Variants in TMEM94 observed in about 807,000 individuals in gnomAD.
The protein encoded by TMEM94 is transmembrane protein 94.
TMEM94 carries 81 observed loss-of-function variants against 158.6 expected under a neutral mutation model. The observed-to-expected ratio is 0.51, with a 90% confidence interval of 0.43 to 0.61. TMEM94 has a LOEUF of 0.61. Among genes scored for constraint, TMEM94 ranks in the 20% least tolerant of loss-of-function variants. TMEM94 has a pLI of 0.00. For synonymous variants in TMEM94, 751 were observed against 730.7 expected (o/e 1.03, Z -0.45); for missense variants, 1,435 against 1,762.0 (o/e 0.81, Z 3.32).
intron 1 of TMEM94, among the ~76,000 whole-genome samples, chr17:75,460,481 G>A (rs1362671747): frequency 6.6e-6 from 1 of 151,816 alleles, no homozygotes; most frequent in Admixed American, 6.6e-5. Context: ...CTATAAGGCA[G>A]AGCCTATTGC....
At chr17:75,476,259 C>T (rs2050685367) in intron 2 of TMEM94, among the ~76,000 whole-genome samples, 1 of 152,196 alleles carries the variant, frequency 6.6e-6, no homozygotes, top group African/African-American at 2.4e-5. Flanking sequence ...TCTCCTCCAT[C>T]TATCCCTCTG....
intron 1 of TMEM94, among the ~76,000 whole-genome samples, chr17:75,469,738 G>T (rs1185278617): frequency 1.3e-5 from 2 of 151,908 alleles, no homozygotes; most frequent in Non-Finnish European, 2.9e-5. Context: ...ATCACTTGAG[G>T]TCAGGAGCTC....
Position 75,499,796 on chromosome 17 carries a change from G to T in TMEM94, c.*462G>T, listed in dbSNP as rs191763279. On this transcript the variant is annotated 3_prime_UTR_variant, in exon 32 of 32. Transcript: ENST00000314256. ...CTCCCAAGGCTGCCGTGGAGGGCAG[G>T]GGGGTGGTGCTTGCCTGGATGTGGC... The T allele has an allele frequency of 6.1e-6, 1 of 163,978 alleles. No homozygotes were observed. 10.2% of individuals were successfully genotyped at this position (163,978 alleles called of 1,614,324 possible). A position where few individuals can be genotyped will look rare whatever the true frequency, so the allele number is the denominator to read the frequency against.
Position 75,492,429 on chromosome 17 carries a change from C to T in TMEM94, c.1597-45C>T. The T allele has an allele frequency of 1.3e-6, 2 of 1,539,584 alleles. No individual in the cohort carries two copies. Among genetic ancestry groups the T allele is most frequent in the South Asian group, 2.5e-5 (2 of 79,362 alleles). On this transcript the variant is annotated intron_variant, in intron 14 of 31. Coordinates refer to ENST00000314256, the MANE Select transcript of TMEM94 (RefSeq NM_014738.6). The surrounding 1 kb of genome is among the most constrained non-coding windows in gnomAD (Gnocchi z 4.4). ...GTGGGCAGAGCCAGTGCTGGCTTCC[C>T]CACACCCTATCCCGGGCTGAGGCTC...
At chr17:75,472,065 T>G in intron 2 of TMEM94, 136 bp downstream of exon 2, 1 of 799,544 alleles carries the variant, frequency 1.3e-6, no homozygotes, top group South Asian at 1.5e-5. Context: ...CTCTGAGTCT[T>G]GGGGGATGCG....
At chr17:75,478,173 G>A (rs2050844311) in intron 2 of TMEM94, among the ~76,000 whole-genome samples, 1 of 9,966 alleles carries the variant, frequency 1.0e-4, no homozygotes. Context: ...CCGCCACTAC[G>A]CCCGGCTAAT....
chr17:75,498,371 G>A lies in TMEM94; in HGVS notation c.3638+48G>A, dbSNP rs912892715. 3.1e-6 allele frequency: 5 copies of A among 1,612,064 alleles called. No homozygotes were observed. ...CACCCATCGCCTGCCTCGCCTCGAG[G>A]CTTCCTCCCTCCCCACCCCAGCCTA... On this transcript the variant is annotated intron_variant, in intron 28 of 31. Coordinates refer to ENST00000314256, the MANE Select transcript of TMEM94 (RefSeq NM_014738.6). This position sits in a 1 kb window ranked among gnomAD's most constrained non-coding sequence, Gnocchi z 6.7.
At chr17:75,486,126 C>G in intron 4 of TMEM94, 128 bp downstream of exon 4, 2 of 1,443,218 alleles carry the variant, frequency 1.4e-6, no homozygotes, top group Non-Finnish European at 9.3e-7. Flanking sequence ...AGGGAACCTC[C>G]TCAGTCCCTT....
Position 75,476,601 on chromosome 17 carries a change from T to TTC in TMEM94, c.24+4686_24+4687dup, listed in dbSNP as rs142827893. On this transcript the variant is annotated intron_variant, in intron 2 of 31. Coordinates refer to ENST00000314256, the MANE Select transcript of TMEM94 (RefSeq NM_014738.6). ...AGCTGTCTCCGTCTCTTCTCTCCTCTTCTCTCTCTCTCTCTTTTCACCCTC... is the reference window on the plus strand; with the variant it reads ...AGCTGTCTCCGTCTCTTCTCTCCTCTTCTCTCTCTCTCTCTCTTTTCACCCTC... 2.1e-4 allele frequency: 312 copies of TTC among 1,487,900 alleles called. No homozygotes were observed. In the East Asian group the frequency reaches 6.5e-3, roughly 31 times the overall value. The allele number at this position is 1,487,900 out of a possible 1,614,324, so 92.2% of individuals were successfully genotyped here.
At chr17:75,459,070 CAAAAA>C in intron 1 of TMEM94, among the ~76,000 whole-genome samples, 2 of 147,356 alleles carry the variant, frequency 1.4e-5, no homozygotes, top group East Asian at 3.9e-4. Flanking sequence ...AAAAAAAAAA[CAAAAA>C]AAACAAAAAC....
chr17:75,469,816 G>A (rs1168410219), intron 1 of TMEM94, among the ~76,000 whole-genome samples: 1 of 151,836 alleles, frequency 6.6e-6, no homozygotes, highest in African/African-American at 2.4e-5. Flanking sequence ...AAATAAAAAT[G>A]CCAATAAATC....
At chr17:75,483,137 A>G (rs1049242100) in intron 2 of TMEM94, among the ~76,000 whole-genome samples, 5 of 152,316 alleles carry the variant, frequency 3.3e-5, no homozygotes, top group African/African-American at 9.6e-5. Flanking sequence ...GTATGTGAAC[A>G]TGAGCTGAAG....
intron 9 of TMEM94, 103 bp from the exon 10 acceptor site, chr17:75,490,131 C>A: frequency 6.7e-7 from 1 of 1,499,810 alleles, no homozygotes; most frequent in Non-Finnish European, 8.9e-7. Context: ...GAGAGCTGGC[C>A]CTTCCTGCCC....
intron 4 of TMEM94, 131 bp downstream of exon 4, chr17:75,486,129 A>G: frequency 7.0e-7 from 1 of 1,432,892 alleles, no homozygotes; most frequent in South Asian, 1.3e-5. Flanking sequence ...GAACCTCCTC[A>G]GTCCCTTGAA....
intron 23 of TMEM94, 25 bp from the exon 24 acceptor site, chr17:75,496,255 AGT>A (rs773198778): frequency 1.2e-6 from 2 of 1,613,526 alleles, no homozygotes; most frequent in East Asian, 2.2e-5. Flanking sequence ...ATACAGCTGA[AGT>A]GTGTGTGTCC....
chr17:75,474,816 C>A (rs1240926218), intron 2 of TMEM94, among the ~76,000 whole-genome samples: 1 of 152,136 alleles, frequency 6.6e-6, no homozygotes, highest in Non-Finnish European at 1.5e-5. Context: ...TCCATCAGTT[C>A]GGTCTCTCCT....
rs2051549896 is a variant in TMEM94, at chr17:75,485,837, C to A, written c.145-34C>A. On this transcript the variant is annotated intron_variant, in intron 3 of 31. Coordinates refer to ENST00000314256, the MANE Select transcript of TMEM94 (RefSeq NM_014738.6). The surrounding 1 kb of genome is among the most constrained non-coding windows in gnomAD (Gnocchi z 5.5). ...GCAGCCAGATTGGAGTGGGACAGGC[C>A]TCTCATTGTCCCCTCCCTGTCCGAA... 3 of 1,587,622 alleles carry A rather than the reference C, an allele frequency of 1.9e-6. No individual in the cohort carries two copies. The South Asian group carries it at 3.4e-5, about 18-fold the overall frequency.
chr17:75,488,205 C>T (rs2051793164), intron 6 of TMEM94, 71 bp downstream of exon 6: 2 of 1,458,548 alleles, frequency 1.4e-6, no homozygotes, highest in Non-Finnish European at 1.9e-6. Context: ...GGAGGGTCCC[C>T]AGACTTCATC....
intron 1 of TMEM94, among the ~76,000 whole-genome samples, chr17:75,458,780 G>A (rs1254275852): frequency 6.6e-6 from 1 of 151,134 alleles, no homozygotes; most frequent in Non-Finnish European, 1.5e-5. Context: ...ACTATTGGCC[G>A]GGCGCAGTGG....
Sources: gnomAD v4.1 joint callset for allele counts (sites outside exome capture counted in the v4.1 genomes callset) on GRCh38, gnomAD v4.1.1 for gene constraint, Gnocchi (gnomAD v3.1) non-coding constraint, MANE v1.5 for transcripts, NCBI Gene and HGNC (gene_info 2026-07-23, HGNC 2026-07-21) for gene names.